The following PLEKHA3 variants were observed in gnomAD, a reference collection of about 807,000 sequenced individuals.
PLEKHA3 encodes the protein pleckstrin homology domain-containing family A member 3.
A neutral mutation model predicts 39.2 loss-of-function variants in PLEKHA3; 19 were observed. That is an observed-to-expected ratio of 0.48 (90% CI 0.34 to 0.71). The LOEUF (loss-of-function observed/expected upper bound fraction) is 0.71, where lower values mean the gene tolerates loss of function less well. Ranked by LOEUF, PLEKHA3 falls within the 30% of genes least tolerant of loss-of-function variation. PLEKHA3 has a pLI of 0.01. For missense variants in PLEKHA3, 253 were observed against 359.5 expected (o/e 0.70, Z 2.40); for synonymous variants, 97 against 118.6 (o/e 0.82, Z 1.18).
chr2:178,507,664 T>TG lies in PLEKHA3; in HGVS notation c.*3777_*3778insG, dbSNP rs1685624971. On this transcript the variant is annotated 3_prime_UTR_variant, in exon 8 of 8. Transcript: ENST00000234453. The stretch of plus-strand genomic sequence containing the variant: ...GTTTTTAGTCTCACATTAGGTTTTT[T>TG]TTTTTTTTTTTTTTTTTTTTTTTTT... 1 of 78,638 alleles carries TG rather than the reference T, an allele frequency of 1.3e-5. No individual in the cohort carries two copies. The highest frequency in any genetic ancestry group is 1.9e-3 in the East Asian group (1 of 532). The allele number at this position is 78,638 out of a possible 1,614,324, so 4.9% of individuals were successfully genotyped here.
chr2:178,489,876 T>G (rs1442090359), intron 2 of PLEKHA3, among the ~76,000 whole-genome samples: 1 of 152,170 alleles, frequency 6.6e-6, no homozygotes, highest in Non-Finnish European at 1.5e-5. Context: ...ATTCTGATTG[T>G]TTTTGGTGTG....
intron 5 of PLEKHA3, among the ~76,000 whole-genome samples, chr2:178,496,891 T>TGG (rs201070051): frequency 1.1e-3 from 166 of 151,478 alleles, no homozygotes; most frequent in African/African-American, 3.9e-3. Flanking sequence ...TTTGTAGAGA[T>TGG]GGGGGGGGTC....
chr2:178,487,620 G>C (rs1185625277), intron 2 of PLEKHA3, among the ~76,000 whole-genome samples: 1 of 151,842 alleles, frequency 6.6e-6, no homozygotes, highest in Non-Finnish European at 1.5e-5. Context: ...TATGTTTTTT[G>C]TAGAGATGGG....
At chr2:178,490,332 G>A (rs1349659212) in intron 2 of PLEKHA3, among the ~76,000 whole-genome samples, 1 of 152,200 alleles carries the variant, frequency 6.6e-6, no homozygotes, top group Non-Finnish European at 1.5e-5. Flanking sequence ...ATGTGATAGT[G>A]TAACATTCAT....
rs1685637387 is a variant in PLEKHA3 at position 178,508,537 on chromosome 2, G to C, written c.*4650G>C. On this transcript the variant is annotated 3_prime_UTR_variant, in exon 8 of 8. Transcript: ENST00000234453. Reference sequence around the variant, plus strand: ...ATTCATATTAGTCATGTATTAAAAAGCTAATGTCATAGGTCTTTATATGTG... The same window carrying C: ...ATTCATATTAGTCATGTATTAAAAACCTAATGTCATAGGTCTTTATATGTG... The C allele has an allele frequency of 6.5e-6, 1 of 153,102 alleles. No homozygotes were observed. The highest frequency in any genetic ancestry group is 1.5e-5 in the Non-Finnish European group (1 of 68,008). The allele number at this position is 153,102 out of a possible 1,614,324, so 9.5% of individuals were successfully genotyped here. A position where few individuals can be genotyped will look rare whatever the true frequency, so the allele number is the denominator to read the frequency against.
chr2:178,490,470 T>A (rs553097908), intron 2 of PLEKHA3, among the ~76,000 whole-genome samples, 189 bp from the exon 3 acceptor site: 2 of 152,354 alleles, frequency 1.3e-5, no homozygotes, highest in South Asian at 4.1e-4. Context: ...ACCCCGGGTC[T>A]ATATGAGAAT....
In PLEKHA3 at chr2:178,480,543, C is replaced by T. The variant is rs920606450; in HGVS notation, c.-327C>T. On this transcript the variant is annotated 5_prime_UTR_variant, in exon 1 of 8. Transcript: ENST00000234453. Reference sequence around the variant, plus strand: ...AAGGCAGGCGAGGAAGAGGCAGCGCCGGGGCGCCGGAGGGAGCAGCCGGGC... The same window carrying T: ...AAGGCAGGCGAGGAAGAGGCAGCGCTGGGGCGCCGGAGGGAGCAGCCGGGC... 5 of 213,342 alleles carry T rather than the reference C, an allele frequency of 2.3e-5. No individual in the cohort carries two copies. Among genetic ancestry groups the T allele is most frequent in the Admixed American group, 1.2e-4 (2 of 16,886 alleles). The allele number at this position is 213,342 out of a possible 1,614,324, so 13.2% of individuals were successfully genotyped here.
intron 1 of PLEKHA3, among the ~76,000 whole-genome samples, 198 bp downstream of exon 1, chr2:178,481,107 T>G (rs1210024756): frequency 6.6e-6 from 1 of 152,148 alleles, no homozygotes. Context: ...GGGTGGGAAG[T>G]GCACCTGCCA....
At chr2:178,500,918 C>A in intron 6 of PLEKHA3, 143 bp from the exon 7 acceptor site, 1 of 625,798 alleles carries the variant, frequency 1.6e-6, no homozygotes, top group East Asian at 2.7e-5. Flanking sequence ...TTTTTGACTT[C>A]TGAGTAGAAT....
intron 5 of PLEKHA3, among the ~76,000 whole-genome samples, chr2:178,497,961 GTTTA>G (rs908778330): frequency 3.4e-4 from 51 of 151,452 alleles, no homozygotes; most frequent in African/African-American, 1.0e-3. Flanking sequence ...AAATAACATT[GTTTA>G]TTTATTTATA....
Position 178,515,395 on chromosome 2 carries a change from G to A in PLEKHA3, c.*11508G>A, listed in dbSNP as rs911779961. 2 of 152,026 alleles carry A rather than the reference G, an allele frequency of 1.3e-5. No individual in the cohort carries two copies. The highest frequency in any genetic ancestry group is 4.8e-5 in the African/African-American group (2 of 41,402). The allele number at this position is 152,026 out of a possible 1,614,324, so 9.4% of individuals were successfully genotyped here. A position where few individuals can be genotyped will look rare whatever the true frequency, so the allele number is the denominator to read the frequency against. ...TGTTGTCTATAATTAGCCAAAAAAA[G>A]ACATATGAACTTTTCTCATTCTGTC... On this transcript the variant is annotated 3_prime_UTR_variant, in exon 8 of 8. Coordinates refer to ENST00000234453, the MANE Select transcript of PLEKHA3 (RefSeq NM_019091.4).
At chr2:178,497,057 A>G (rs1685460527) in intron 5 of PLEKHA3, among the ~76,000 whole-genome samples, 1 of 152,000 alleles carries the variant, frequency 6.6e-6, no homozygotes, top group African/African-American at 2.4e-5. Context: ...AAGTGTTGGG[A>G]TTACAGGCAT....
intron 3 of PLEKHA3, 60 bp from the exon 4 acceptor site, chr2:178,493,793 T>G: frequency 1.4e-6 from 2 of 1,441,914 alleles, no homozygotes; most frequent in Non-Finnish European, 1.9e-6. Flanking sequence ...TTACATTTTG[T>G]TACATTGCTC....
rs767547247 is a variant in PLEKHA3 at position 178,495,531 on chromosome 2, G to A, written c.486G>A (p.Thr162=). 14 of 1,613,862 alleles carry A rather than the reference G, an allele frequency of 8.7e-6. No individual in the cohort carries two copies. The highest frequency in any genetic ancestry group is 1.6e-4 in the Middle Eastern group (1 of 6,084). The change falls in exon 5 of 8, where the codon ACG becomes ACA. Residue 162 remains threonine, a synonymous_variant. Coordinates refer to ENST00000234453, the MANE Select transcript of PLEKHA3 (RefSeq NM_019091.4). ...AAGCCTCTTCTCTGCTTAGTGCCAC[G>A]TGTAACACATTCATCACAACGCTTG... ...MNEASSLLSA[T]CNTFITTLEE... is the part of the protein sequence containing the mutation.
intron 1 of PLEKHA3, among the ~76,000 whole-genome samples, chr2:178,483,104 A>C (rs1428963953): frequency 6.6e-6 from 1 of 152,106 alleles, no homozygotes; most frequent in Non-Finnish European, 1.5e-5. Context: ...CAAAAATTAC[A>C]AAAAATTAGC....
At chr2:178,495,872 T>C (rs578132086) in intron 5 of PLEKHA3, among the ~76,000 whole-genome samples, 14 of 152,174 alleles carry the variant, frequency 9.2e-5, no homozygotes, top group Non-Finnish European at 1.9e-4. Context: ...CCCTTCTCCT[T>C]GGAGGGGCTG....
intron 1 of PLEKHA3, 109 bp downstream of exon 1, chr2:178,481,018 T>C: frequency 9.7e-7 from 1 of 1,029,534 alleles, no homozygotes. Context: ...TCAGAGCGAA[T>C]TCGCTCTACT....
intron 2 of PLEKHA3, among the ~76,000 whole-genome samples, chr2:178,487,691 G>A (rs557442186): frequency 3.3e-5 from 5 of 152,104 alleles, no homozygotes; most frequent in Non-Finnish European, 5.9e-5. Context: ...CAATCTGCCC[G>A]CTTTGGCCTC....
At chr2:178,503,502 T>C (rs1685562210) in intron 7 of PLEKHA3, among the ~76,000 whole-genome samples, 2 of 152,102 alleles carry the variant, frequency 1.3e-5, no homozygotes, top group South Asian at 4.1e-4. Context: ...ACCATGATTC[T>C]AGCAGTGAAC....
Sources: gnomAD v4.1 joint callset for allele counts (sites outside exome capture counted in the v4.1 genomes callset) on GRCh38, gnomAD v4.1.1 for gene constraint, MANE v1.5 for transcripts, NCBI Gene and HGNC (gene_info 2026-07-23, HGNC 2026-07-21) for gene names.